The following MAGI2 variants were observed in gnomAD, a reference collection of about 807,000 sequenced individuals.
MAGI2 encodes membrane associated guanylate kinase, WW and PDZ domain containing 2.
MAGI2 carries 35 observed loss-of-function variants against 133.3 expected under a neutral mutation model. The observed-to-expected ratio is 0.26, with a 90% CI of 0.20 to 0.35. The LOEUF (loss-of-function observed/expected upper bound fraction) is 0.35, where lower values mean the gene tolerates loss of function less well. Among genes scored for constraint, MAGI2 ranks in the 10% least tolerant of loss-of-function variants. The pLI, the probability that MAGI2 is intolerant of heterozygous loss-of-function variation, is 1.00. For missense variants in MAGI2, 1,636 were observed against 1,863.4 expected (o/e 0.88, Z 2.25); for synonymous variants, 729 against 710.6 (o/e 1.03, Z -0.41).
At position 78,115,994 on chromosome 7, in the gene MAGI2, G is replaced by A. The variant is rs77460361; in HGVS notation, c.3567+9700C>T. 5.2e-4 allele frequency among the ~76,000 whole-genome samples: 79 copies of A among 152,180 alleles called. No homozygotes were observed. The East Asian group carries it at 0.015, about 28-fold the overall frequency. On this transcript the variant is annotated intron_variant, in intron 20 of 21. Transcript: ENST00000354212. ...CCAATGAACAAATCTATACAACACA[G>A]CACTCAACAATTGCAGAATGCACAT... is the stretch of plus-strand genomic sequence containing the variant.
chr7:78,399,869 A>G (rs12667208), intron 6 of MAGI2, among the ~76,000 whole-genome samples: 38,887 of 149,084 alleles, frequency 0.26, 6,118 homozygotes, highest in East Asian at 0.62. Context: ...GCGCATGAAC[A>G]CAGCTCAATC....
At chr7:78,240,025 G>C (rs1010745530) in intron 10 of MAGI2, among the ~76,000 whole-genome samples, 7 of 151,168 alleles carry the variant, frequency 4.6e-5, no homozygotes, top group Non-Finnish European at 1.5e-5. Context: ...GGGTACATGT[G>C]CACAACGTGC....
chr7:79,345,428 A>G (rs10269542), intron 1 of MAGI2, among the ~76,000 whole-genome samples: 131,617 of 151,956 alleles, frequency 0.87, 57,144 homozygotes, highest in East Asian at 0.96. Flanking sequence ...TCTCTAGAAC[A>G]GTGAGAAAAT....
At chr7:79,276,772 T>C (rs1248350205) in intron 1 of MAGI2, among the ~76,000 whole-genome samples, 2 of 152,076 alleles carry the variant, frequency 1.3e-5, no homozygotes, top group African/African-American at 2.4e-5. Flanking sequence ...AAGACCAACC[T>C]GGACAACATG....
chr7:78,437,092 T>C (rs1800367752), intron 6 of MAGI2, among the ~76,000 whole-genome samples: 1 of 152,046 alleles, frequency 6.6e-6, no homozygotes, highest in Non-Finnish European at 1.5e-5. Context: ...AAATTCCCTA[T>C]CATAATGGAA....
intron 2 of MAGI2, among the ~76,000 whole-genome samples, chr7:78,736,797 G>T (rs6965150): frequency 1.3e-5 from 2 of 151,908 alleles, no homozygotes; most frequent in Non-Finnish European, 2.9e-5. Flanking sequence ...TCAGAGTGTC[G>T]AAGTCTTTTA....
At chr7:79,417,772 G>C (rs1846639815) in intron 1 of MAGI2, among the ~76,000 whole-genome samples, 1 of 150,644 alleles carries the variant, frequency 6.6e-6, no homozygotes, top group Non-Finnish European at 1.5e-5. Flanking sequence ...ATAACTTACA[G>C]ACTGGAGGTT....
At chr7:79,256,783 G>A (rs944957083) in intron 1 of MAGI2, among the ~76,000 whole-genome samples, 1 of 151,774 alleles carries the variant, frequency 6.6e-6, no homozygotes, top group Non-Finnish European at 1.5e-5. Context: ...GAGCCACCAC[G>A]CCCCGCAAAA....
At chr7:78,878,181 G>T (rs1026501778) in intron 2 of MAGI2, among the ~76,000 whole-genome samples, 8 of 152,118 alleles carry the variant, frequency 5.3e-5, no homozygotes, top group Admixed American at 5.2e-4. Flanking sequence ...GTTTATTTTT[G>T]CTTCATATAT....
At chr7:78,472,315 T>G (rs528260026) in intron 6 of MAGI2, among the ~76,000 whole-genome samples, 1 of 152,232 alleles carries the variant, frequency 6.6e-6, no homozygotes, top group East Asian at 1.9e-4. Context: ...TTTATATACA[T>G]ATACCATACA....
chr7:78,066,181 G>A (rs907332764), intron 21 of MAGI2, among the ~76,000 whole-genome samples: 1 of 152,048 alleles, frequency 6.6e-6, no homozygotes, highest in Non-Finnish European at 1.5e-5. Context: ...AAAATTCATG[G>A]TCAGGCACGG....
At chr7:78,844,996 ACT>A (rs1792468850) in intron 2 of MAGI2, among the ~76,000 whole-genome samples, 1 of 151,732 alleles carries the variant, frequency 6.6e-6, no homozygotes, top group African/African-American at 2.4e-5. Flanking sequence ...TATTTTAAAA[ACT>A]CTCTGAGTCT....
chr7:79,024,277 C>T (rs990474290), intron 1 of MAGI2, among the ~76,000 whole-genome samples: 1 of 152,004 alleles, frequency 6.6e-6, no homozygotes, highest in African/African-American at 2.4e-5. Flanking sequence ...ACCGACTTGC[C>T]ATATGAAGAA....
chr7:78,520,725 G>A (rs904770097), intron 4 of MAGI2, among the ~76,000 whole-genome samples: 7 of 151,994 alleles, frequency 4.6e-5, no homozygotes, highest in African/African-American at 1.4e-4. Flanking sequence ...TAAGAAAAAT[G>A]CAAATCCATA....
At chr7:79,071,778 A>T (rs1010476746) in intron 1 of MAGI2, among the ~76,000 whole-genome samples, 3 of 151,812 alleles carry the variant, frequency 2.0e-5, no homozygotes, top group African/African-American at 7.3e-5. Flanking sequence ...AAAACCACCT[A>T]CTCAAGCCTC....
chr7:79,344,535 T>C (rs1369256617), intron 1 of MAGI2, among the ~76,000 whole-genome samples: 5 of 151,982 alleles, frequency 3.3e-5, no homozygotes, highest in African/African-American at 1.2e-4. Flanking sequence ...ATAAAAGAAA[T>C]AGGATTTCTT....
chr7:78,645,985 C>T (rs1304949325), intron 2 of MAGI2, among the ~76,000 whole-genome samples: 1 of 152,118 alleles, frequency 6.6e-6, no homozygotes, highest in Non-Finnish European at 1.5e-5. Flanking sequence ...GTGAGTTGCC[C>T]GCCTTGGCCT....
At chr7:79,404,626 T>A (rs1390110092) in intron 1 of MAGI2, among the ~76,000 whole-genome samples, 1 of 152,088 alleles carries the variant, frequency 6.6e-6, no homozygotes, top group Admixed American at 6.6e-5. Flanking sequence ...GAAACATATG[T>A]TTTTCAAAAA....
intron 2 of MAGI2, among the ~76,000 whole-genome samples, chr7:78,883,539 C>G (rs947469458): frequency 6.6e-6 from 1 of 152,000 alleles, no homozygotes; most frequent in African/African-American, 2.4e-5. Flanking sequence ...TCATATAGAA[C>G]CAAAAAAGAG....
Sources: gnomAD v4.1 joint callset for allele counts (sites outside exome capture counted in the v4.1 genomes callset) on GRCh38, gnomAD v4.1.1 for gene constraint, MANE v1.5 for transcripts, NCBI Gene and HGNC (gene_info 2026-07-23, HGNC 2026-07-21) for gene names.